SEC24D: variants seen among roughly 807,000 people sequenced by gnomAD.
SEC24D encodes the protein SEC24 homolog D, COPII component.
In SEC24D, 69 loss-of-function variants were observed where a neutral mutation model predicts 116.9. The observed-to-expected ratio is 0.59, with a 90% CI of 0.49 to 0.72. SEC24D has a LOEUF of 0.72. Ranked by LOEUF, SEC24D falls within the 30% of genes least tolerant of loss-of-function variation. The pLI is 0.00. For missense variants in SEC24D, 1,131 were observed against 1,264.1 expected, an observed-to-expected ratio of 0.89 and a Z score of 1.60; for synonymous variants, 405 against 442.8, an observed-to-expected ratio of 0.91 and a Z score of 1.07.
At chr4:118,824,944 T>C (rs948990952) in intron 2 of SEC24D, among the ~76,000 whole-genome samples, 195 bp from the exon 3 acceptor site, 14 of 152,090 alleles carry the variant, frequency 9.2e-5, no homozygotes, top group African/African-American at 3.1e-4. Flanking sequence ...ACTATCATAA[T>C]GATGAAAGAG....
intron 8 of SEC24D, among the ~76,000 whole-genome samples, chr4:118,778,628 A>G (rs186614686): frequency 6.6e-6 from 1 of 152,234 alleles, no homozygotes; most frequent in Admixed American, 6.5e-5. Context: ...GTTTTTTCCA[A>G]TTCCATTAAG....
chr4:118,724,221 T>C (rs1005220543), intron 22 of SEC24D, among the ~76,000 whole-genome samples: 2 of 151,888 alleles, frequency 1.3e-5, no homozygotes, highest in Non-Finnish European at 2.9e-5. Context: ...AGGTTCTGAA[T>C]TAGAGCAGTG....
chr4:118,741,819 G>A (rs1224013565), intron 15 of SEC24D, among the ~76,000 whole-genome samples: 1 of 152,146 alleles, frequency 6.6e-6, no homozygotes, highest in Non-Finnish European at 1.5e-5. Flanking sequence ...CAACTGGGTG[G>A]TGCCTGCATA....
intron 22 of SEC24D, among the ~76,000 whole-genome samples, chr4:118,724,407 T>C (rs1415792249): frequency 2.0e-5 from 3 of 152,176 alleles, no homozygotes; most frequent in Non-Finnish European, 4.4e-5. Flanking sequence ...TGAGATGTGC[T>C]GTAAATATAA....
intron 1 of SEC24D, among the ~76,000 whole-genome samples, chr4:118,835,543 C>T (rs552086644): frequency 6.6e-6 from 1 of 152,314 alleles, no homozygotes; most frequent in Non-Finnish European, 1.5e-5. Flanking sequence ...TGTCCCGAGG[C>T]TTCAAGATAT....
At chr4:118,808,772 G>A (rs1181776401) in intron 6 of SEC24D, among the ~76,000 whole-genome samples, 1 of 152,108 alleles carries the variant, frequency 6.6e-6, no homozygotes, top group African/African-American at 2.4e-5. Flanking sequence ...CTAGAATTAC[G>A]ATTATATTTA....
At chr4:118,762,313 CA>C (rs1727425482) in intron 10 of SEC24D, among the ~76,000 whole-genome samples, 1 of 152,090 alleles carries the variant, frequency 6.6e-6, no homozygotes, top group Non-Finnish European at 1.5e-5. Flanking sequence ...TGTGATCACA[CA>C]GATACGGTTT....
At chr4:118,811,615 T>G (rs183159914) in intron 6 of SEC24D, among the ~76,000 whole-genome samples, 2 of 152,346 alleles carry the variant, frequency 1.3e-5, no homozygotes, top group Non-Finnish European at 2.9e-5. Context: ...TGCTTCCAGA[T>G]GCCTTTAGAC....
At chr4:118,810,408 T>C (rs10005472) in intron 6 of SEC24D, among the ~76,000 whole-genome samples, 64 of 152,078 alleles carry the variant, frequency 4.2e-4, no homozygotes, top group African/African-American at 1.5e-3. Flanking sequence ...GAACTAAATA[T>C]GAGATGTGCA....
intron 8 of SEC24D, among the ~76,000 whole-genome samples, chr4:118,783,867 A>G (rs149388243): frequency 3.0e-4 from 46 of 152,360 alleles, no homozygotes; most frequent in African/African-American, 1.1e-3. Flanking sequence ...AAAAAAATAT[A>G]GGGCTCTAAA....
At chr4:118,798,429 C>T (rs1441982914) in intron 7 of SEC24D, among the ~76,000 whole-genome samples, 1 of 152,122 alleles carries the variant, frequency 6.6e-6, no homozygotes, top group East Asian at 1.9e-4. Flanking sequence ...TACTTCATGG[C>T]ATATCCGAGT....
At chr4:118,831,990 G>A (rs554796756) in intron 2 of SEC24D, among the ~76,000 whole-genome samples, 2 of 152,256 alleles carry the variant, frequency 1.3e-5, no homozygotes, top group South Asian at 4.1e-4. Context: ...ATCACGTGAG[G>A]TCAGGAGTTC....
At chr4:118,780,983 T>C (rs28801167) in intron 8 of SEC24D, among the ~76,000 whole-genome samples, 1,964 of 149,672 alleles carry the variant, frequency 0.013, 42 homozygotes, top group African/African-American at 0.046. Context: ...TTTGAGCCTA[T>C]GTGTGTCTCT....
chr4:118,736,081 C>T (rs1424499469), intron 19 of SEC24D: 1 of 136,428 alleles, frequency 7.3e-6, no homozygotes, highest in Non-Finnish European at 1.5e-5. Flanking sequence ...TCTCGGCTCA[C>T]TGCAACGTCC....
At chr4:118,731,267 G>C in intron 21 of SEC24D, 49 bp downstream of exon 21, 1 of 1,468,366 alleles carries the variant, frequency 6.8e-7, no homozygotes, top group Non-Finnish European at 9.5e-7. Context: ...AAACATTTAC[G>C]AATTTATATT....
At chr4:118,756,897 T>A (rs1727123495) in intron 11 of SEC24D, among the ~76,000 whole-genome samples, 1 of 152,188 alleles carries the variant, frequency 6.6e-6, no homozygotes, top group Non-Finnish European at 1.5e-5. Flanking sequence ...TATTCCATGC[T>A]AGTTTCCAAA....
At chr4:118,739,399 T>C in intron 17 of SEC24D, 112 bp from the exon 18 acceptor site, 1 of 944,582 alleles carries the variant, frequency 1.1e-6, no homozygotes, top group East Asian at 2.7e-5. Flanking sequence ...AAAAGACCTC[T>C]AACTATTTTT....
chr4:118,825,292 G>C, intron 2 of SEC24D: 1 of 251,658 alleles, frequency 4.0e-6, no homozygotes, highest in Non-Finnish European at 7.8e-6. Flanking sequence ...ATCCTAACTG[G>C]CTGGATGATG....
At chr4:118,730,601 C>T (rs1326622642) in intron 21 of SEC24D, 1 of 152,198 alleles carries the variant, frequency 6.6e-6, no homozygotes, top group Non-Finnish European at 1.5e-5. Context: ...CAATAGCCAT[C>T]GGCAGTGATG....
Sources: allele counts gnomAD v4.1 joint callset (sites outside exome capture counted in the v4.1 genomes callset), GRCh38; gene constraint gnomAD v4.1.1; transcripts MANE v1.5; gene names NCBI Gene and HGNC (gene_info 2026-07-23, HGNC 2026-07-21).